SLIT3: variants seen among roughly 807,000 people sequenced by gnomAD.
SLIT3 encodes slit guidance ligand 3.
Under a neutral mutation model 184.0 loss-of-function variants are expected in SLIT3, and 68 were observed. That is an observed-to-expected ratio of 0.37 (90% CI 0.30 to 0.45). The LOEUF (loss-of-function observed/expected upper bound fraction) is 0.45, where lower values mean the gene tolerates loss of function less well. Among genes scored for constraint, SLIT3 ranks in the 20% least tolerant of loss-of-function variants. The probability of loss-of-function intolerance (pLI) is 1.00; values close to 1 mark genes in which losing one functional copy is unlikely to be tolerated. For missense variants in SLIT3, 1,707 were observed against 2,026.0 expected (o/e 0.84, Z 3.02); for synonymous variants, 831 against 828.6 (o/e 1.00, Z -0.05).
chr5:169,004,159 GA>G (rs1222154174), intron 4 of SLIT3, among the ~76,000 whole-genome samples: 10 of 147,914 alleles, frequency 6.8e-5, no homozygotes, highest in East Asian at 2.0e-4. Flanking sequence ...ACTGTTTTGG[GA>G]AAAAAAAAAC....
chr5:168,959,705 C>G (rs548387156), intron 4 of SLIT3, among the ~76,000 whole-genome samples: 38 of 152,290 alleles, frequency 2.5e-4, no homozygotes, highest in African/African-American at 7.9e-4. Context: ...CTCAGTTCTT[C>G]TGTAGCTCCC....
At chr5:168,781,685 T>C (rs1315077972) in intron 12 of SLIT3, among the ~76,000 whole-genome samples, 4 of 151,264 alleles carry the variant, frequency 2.6e-5, no homozygotes, top group Non-Finnish European at 4.4e-5. Context: ...ACAAAAGGAG[T>C]TGATCTGCAG....
intron 20 of SLIT3, among the ~76,000 whole-genome samples, chr5:168,725,223 G>T (rs1012695886): frequency 2.0e-5 from 3 of 152,164 alleles, no homozygotes; most frequent in Admixed American, 2.0e-4. Flanking sequence ...GATCTGCCTG[G>T]ACTTCAGCAT....
intron 35 of SLIT3, among the ~76,000 whole-genome samples, chr5:168,669,574 C>A (rs1761170746): frequency 6.6e-6 from 1 of 152,182 alleles, no homozygotes. Flanking sequence ...TGGTTTGGGG[C>A]TAAGTTGTTA....
intron 4 of SLIT3, among the ~76,000 whole-genome samples, chr5:169,062,368 T>C (rs1758202117): frequency 6.6e-6 from 1 of 152,198 alleles, no homozygotes; most frequent in Non-Finnish European, 1.5e-5. Context: ...GAATGCTACA[T>C]AGACACCCAG....
intron 16 of SLIT3, among the ~76,000 whole-genome samples, chr5:168,754,610 G>T (rs1240982263): frequency 6.6e-6 from 1 of 152,152 alleles, no homozygotes; most frequent in Non-Finnish European, 1.5e-5. Flanking sequence ...TTTCAAAATA[G>T]CTAGAAGAAA....
At chr5:168,956,527 G>A (rs1472795212) in intron 4 of SLIT3, among the ~76,000 whole-genome samples, 2 of 152,218 alleles carry the variant, frequency 1.3e-5, no homozygotes, top group East Asian at 1.9e-4. Context: ...CAGGCATGGT[G>A]GCTCACATCT....
chr5:168,762,524 C>T lies in SLIT3; in HGVS notation c.1610+15G>A, dbSNP rs775329019. 46 of 1,609,366 alleles carry T rather than the reference C, an allele frequency of 2.9e-5. No individual in the cohort carries two copies. The highest frequency in any genetic ancestry group is 5.3e-5 in the African/African-American group (4 of 74,776). ...GTGGGGAGGAGTAGGGAGTTCACGC[C>T]GAGGTTGGACTTACAGGTCGGTGAC... On this transcript the variant is annotated intron_variant, in intron 15 of 35. Coordinates refer to ENST00000519560, the MANE Select transcript of SLIT3 (RefSeq NM_003062.4).
intron 27 of SLIT3, among the ~76,000 whole-genome samples, chr5:168,699,816 G>A (rs556817697): frequency 1.3e-5 from 2 of 152,258 alleles, no homozygotes; most frequent in African/African-American, 4.8e-5. Flanking sequence ...GTTGGTACCT[G>A]GCATAGTGAG....
intron 3 of SLIT3, among the ~76,000 whole-genome samples, chr5:169,197,370 A>G (rs1052722440): frequency 1.3e-5 from 2 of 152,106 alleles, no homozygotes; most frequent in African/African-American, 4.8e-5. Flanking sequence ...ATATTTACTG[A>G]GTAAATATGG....
At chr5:169,183,109 A>G (rs1446685597) in intron 4 of SLIT3, among the ~76,000 whole-genome samples, 1 of 152,200 alleles carries the variant, frequency 6.6e-6, no homozygotes, top group Non-Finnish European at 1.5e-5. Flanking sequence ...TATACTCAGC[A>G]TCCCAACCAC....
chr5:169,198,234 C>T (rs1763801933), intron 3 of SLIT3, among the ~76,000 whole-genome samples: 1 of 152,218 alleles, frequency 6.6e-6, no homozygotes, highest in Non-Finnish European at 1.5e-5. Context: ...AAAAAATTGC[C>T]ATGTTCTTGA....
intron 20 of SLIT3, 80 bp downstream of exon 20, chr5:168,748,222 T>G: frequency 1.4e-6 from 2 of 1,394,730 alleles, no homozygotes; most frequent in Non-Finnish European, 1.9e-6. Context: ...GTTGCCTTGC[T>G]TGAGATTCTG....
intron 4 of SLIT3, among the ~76,000 whole-genome samples, chr5:168,911,325 C>T (rs1336237417): frequency 2.0e-5 from 3 of 152,156 alleles, no homozygotes; most frequent in Non-Finnish European, 2.9e-5. Context: ...CCACCCCACC[C>T]GACCTTTCTG....
chr5:169,195,305 G>A (rs1763706157), intron 3 of SLIT3, among the ~76,000 whole-genome samples: 1 of 152,132 alleles, frequency 6.6e-6, no homozygotes, highest in South Asian at 2.1e-4. Context: ...ACTAGAAGGA[G>A]GTCAAGCAGG....
intron 12 of SLIT3, among the ~76,000 whole-genome samples, chr5:168,780,570 CTG>C (rs1226131887): frequency 1.3e-5 from 2 of 152,336 alleles, no homozygotes; most frequent in East Asian, 3.9e-4. Context: ...AAAAAGTGCT[CTG>C]TGTGTCCCTG....
At chr5:168,970,385 C>T (rs570795024) in intron 4 of SLIT3, among the ~76,000 whole-genome samples, 12 of 150,014 alleles carry the variant, frequency 8.0e-5, no homozygotes, top group African/African-American at 2.7e-4. Context: ...GTCCCAGCTA[C>T]GCGGGAGGCT....
intron 4 of SLIT3, among the ~76,000 whole-genome samples, chr5:168,907,979 T>TATATATATATATATAGAG (rs376418381): frequency 2.0e-5 from 1 of 50,088 alleles, no homozygotes; most frequent in African/African-American, 1.3e-4. Flanking sequence ...TATATATATA[T>TATATATATATATATAGAG]AGAGAGAGAG....
chr5:169,006,831 C>A (rs1397054043), intron 4 of SLIT3, among the ~76,000 whole-genome samples: 3 of 152,020 alleles, frequency 2.0e-5, no homozygotes, highest in African/African-American at 7.2e-5. Flanking sequence ...GAGAGTCGAG[C>A]CCCTTGGCCT....
Sources: allele counts gnomAD v4.1 joint callset (sites outside exome capture counted in the v4.1 genomes callset), GRCh38; gene constraint gnomAD v4.1.1; transcripts MANE v1.5; gene names NCBI Gene and HGNC (gene_info 2026-07-23, HGNC 2026-07-21).